Variants in CUL1 observed in about 807,000 individuals in gnomAD.
CUL1 encodes the protein cullin 1.
Under a neutral mutation model 118.0 loss-of-function variants are expected in CUL1, and 24 were observed. The ratio of observed to expected loss-of-function variants is 0.20; its 90% CI spans 0.15 to 0.29. CUL1 has a LOEUF of 0.29. CUL1 is among the 10% of genes least tolerant of loss of function. The probability of loss-of-function intolerance (pLI) is 1.00; values close to 1 mark genes in which losing one functional copy is unlikely to be tolerated. For synonymous variants in CUL1, 332 were observed against 340.4 expected, an observed-to-expected ratio of 0.98 and a Z score of 0.27; for missense variants, 361 against 933.8, an observed-to-expected ratio of 0.39 and a Z score of 7.99.
chr7:148,722,203 A>G (rs1176842420), intron 1 of CUL1, among the ~76,000 whole-genome samples: 1 of 152,140 alleles, frequency 6.6e-6, no homozygotes, highest in African/African-American at 2.4e-5. Flanking sequence ...CTGAAGCTGG[A>G]GGTTTGAATC....
At chr7:148,742,802 C>T (rs1215494990) in intron 2 of CUL1, among the ~76,000 whole-genome samples, 1 of 151,906 alleles carries the variant, frequency 6.6e-6, no homozygotes, top group Non-Finnish European at 1.5e-5. Flanking sequence ...GGGTGTTTGA[C>T]CATGTTGGCC....
In CUL1 at chr7:148,778,070, C is replaced by CAAAAAA. The variant is rs1203417069; in HGVS notation, c.1084-5691_1084-5686dup. Among the ~76,000 whole-genome samples the CAAAAAA allele has an allele frequency of 3.1e-3, 42 of 13,748 alleles. 1 individual carries two copies. Among genetic ancestry groups the CAAAAAA allele is most frequent in the African/African-American group, 5.7e-3 (25 of 4,420 alleles). 9.0% of individuals were successfully genotyped at this position (13,748 alleles called of 152,430 possible). ...AGGGTGACAGAAGAAGACCCTGTCTCAAAAAAAAAAAAAAAAAAAAAAAAA... is the reference window on the plus strand; with the variant it reads ...AGGGTGACAGAAGAAGACCCTGTCTCAAAAAAAAAAAAAAAAAAAAAAAAAAAAAAA... On this transcript the variant is annotated intron_variant, in intron 9 of 21. Transcript: ENST00000325222.
chr7:148,745,765 G>A (rs900063918), intron 2 of CUL1, among the ~76,000 whole-genome samples: 3 of 144,322 alleles, frequency 2.1e-5, no homozygotes, highest in Non-Finnish European at 4.6e-5. Flanking sequence ...TAAAAATGAA[G>A]AACTAACTCT....
In CUL1 at chr7:148,700,599, A is replaced by G. The variant is rs532389715; in HGVS notation, c.-162+1570A>G. On this transcript the variant is annotated intron_variant, in intron 1 of 21. Coordinates refer to ENST00000325222, the MANE Select transcript of CUL1 (RefSeq NM_003592.3). Reference sequence around the variant, plus strand: ...ATTTGTTGTTTTCCATGGTGAGTCGAAATAGTTGCGTTACATTTCAAATTC... The same window carrying G: ...ATTTGTTGTTTTCCATGGTGAGTCGGAATAGTTGCGTTACATTTCAAATTC... 3.0e-4 allele frequency among the ~76,000 whole-genome samples: 46 copies of G among 152,326 alleles called. 1 individual carries two copies. In the South Asian group the frequency reaches 8.5e-3, roughly 28 times the overall value.
intron 19 of CUL1, 88 bp downstream of exon 19, chr7:148,798,107 A>G: frequency 1.3e-6 from 1 of 749,872 alleles, no homozygotes; most frequent in South Asian, 1.8e-5. Flanking sequence ...GTTACAAACC[A>G]AGGGAGACCG....
chr7:148,705,989 TCC>T (rs2129458876), intron 1 of CUL1, among the ~76,000 whole-genome samples: 1 of 152,260 alleles, frequency 6.6e-6, no homozygotes, highest in East Asian at 1.9e-4. Context: ...ATCTAAAACT[TCC>T]TTAGTTACCA....
intron 1 of CUL1, among the ~76,000 whole-genome samples, chr7:148,720,009 T>TA (rs1798350928): frequency 6.6e-6 from 1 of 152,228 alleles, no homozygotes; most frequent in Non-Finnish European, 1.5e-5. Flanking sequence ...AGAATATACT[T>TA]ACTGTGAGGA....
At chr7:148,753,611 G>C (rs1799564041) in intron 2 of CUL1, among the ~76,000 whole-genome samples, 1 of 152,214 alleles carries the variant, frequency 6.6e-6, no homozygotes, top group Admixed American at 6.5e-5. Flanking sequence ...AGTGCTTATT[G>C]TTAGCTTTTT....
At chr7:148,746,177 C>T (rs576754027) in intron 2 of CUL1, among the ~76,000 whole-genome samples, 1 of 152,124 alleles carries the variant, frequency 6.6e-6, no homozygotes, top group Non-Finnish European at 1.5e-5. Context: ...GAGCTTTCCT[C>T]CACAAAGAAC....
At chr7:148,744,985 CTT>C (rs1799263872) in intron 2 of CUL1, among the ~76,000 whole-genome samples, 1 of 151,960 alleles carries the variant, frequency 6.6e-6, no homozygotes, top group Non-Finnish European at 1.5e-5. Context: ...CATGTGAACT[CTT>C]TTTCTGTGTT....
intron 3 of CUL1, among the ~76,000 whole-genome samples, chr7:148,756,089 C>T (rs1264015036): frequency 3.9e-5 from 6 of 152,266 alleles, no homozygotes; most frequent in African/African-American, 1.4e-4. Flanking sequence ...AAAAAAATTC[C>T]GGTTAGTCTC....
chr7:148,711,202 ACT>A (rs1798039323), intron 1 of CUL1, among the ~76,000 whole-genome samples: 1 of 152,006 alleles, frequency 6.6e-6, no homozygotes, highest in Non-Finnish European at 1.5e-5. Flanking sequence ...TTCTCCTCAT[ACT>A]CTCTCCCCAG....
chr7:148,716,839 G>T (rs1490236915), intron 1 of CUL1, among the ~76,000 whole-genome samples: 1 of 152,150 alleles, frequency 6.6e-6, no homozygotes, highest in Non-Finnish European at 1.5e-5. Flanking sequence ...ATTTGGGGCT[G>T]ATTTCAAGTC....
chr7:148,766,822 C>T, intron 8 of CUL1, 99 bp downstream of exon 8: 1 of 1,025,074 alleles, frequency 9.8e-7, no homozygotes, highest in Non-Finnish European at 1.4e-6. Flanking sequence ...ATTACTTGCC[C>T]ATGTCAGTTT....
At chr7:148,744,037 G>T (rs1799229973) in intron 2 of CUL1, among the ~76,000 whole-genome samples, 1 of 152,170 alleles carries the variant, frequency 6.6e-6, no homozygotes, top group Non-Finnish European at 1.5e-5. Context: ...ATCCCTGGTA[G>T]TAATTTGTTG....
At chr7:148,783,248 C>G in intron 9 of CUL1, 2 of 821,758 alleles carry the variant, frequency 2.4e-6, no homozygotes, top group Non-Finnish European at 2.9e-6. Flanking sequence ...GCGCTCCGCC[C>G]CTCTTCCCGT....
Position 148,800,611 on chromosome 7 carries a change from C to G in CUL1, c.*29C>G, listed in dbSNP as rs1563173537. On this transcript the variant is annotated 3_prime_UTR_variant, in exon 22 of 22. Coordinates refer to ENST00000325222, the MANE Select transcript of CUL1 (RefSeq NM_003592.3). This position sits in a 1 kb window ranked among gnomAD's most constrained non-coding sequence, Gnocchi z 4.6. ...TTCTGGAAGGGTCTGACTGTGTGAC[C>G]CGCAGCAAATAGTTCATGTTGGAAA... is the stretch of plus-strand genomic sequence containing the variant. The G allele has an allele frequency of 6.5e-6, 10 of 1,532,774 alleles. No individual in the cohort carries two copies. Among genetic ancestry groups the G allele is most frequent in the Non-Finnish European group, 8.1e-6 (9 of 1,108,634 alleles). The allele number at this position is 1,532,774 out of a possible 1,614,324, so 94.9% of individuals were successfully genotyped here.
At chr7:148,746,112 A>AG (rs1219595295) in intron 2 of CUL1, among the ~76,000 whole-genome samples, 2 of 148,964 alleles carry the variant, frequency 1.3e-5, no homozygotes, top group African/African-American at 5.1e-5. Flanking sequence ...GTCCTCTCTG[A>AG]GGGGTGGGCT....
chr7:148,798,002 A>T lies in CUL1; in HGVS notation c.2013A>T (p.Leu671Phe), dbSNP rs756084602. ...TGAAGCCAGATACCTTAATAAAATT[A>T]TATCTTGGTTATAAAAAGTAAGAAA... ...VELKPDTLIK[L>F]YLGYKNKKLR... is the part of the protein sequence containing the mutation. Residue 671 changes from leucine to phenylalanine, a missense_variant, in exon 19 of 22, where the codon TTA becomes TTT. Leu to Phe is a conservative substitution (Grantham distance 22). Around this residue, in one of 7 missense-constraint regions of CUL1, gnomAD observed 84 missense variants for 203.3 expected, o/e 0.41. Coordinates refer to ENST00000325222, the MANE Select transcript of CUL1 (RefSeq NM_003592.3). The T allele has an allele frequency of 6.2e-7, 1 of 1,603,682 alleles. No homozygotes were observed. The highest frequency in any genetic ancestry group is 1.1e-5 in the South Asian group (1 of 90,482).
Sources: allele counts gnomAD v4.1 joint callset (sites outside exome capture counted in the v4.1 genomes callset), GRCh38; gene constraint gnomAD v4.1.1; regional missense constraint gnomAD v4.1.1; non-coding constraint Gnocchi (gnomAD v3.1); transcripts MANE v1.5; gene names NCBI Gene and HGNC (gene_info 2026-07-23, HGNC 2026-07-21).